Variants in FRRS1 observed in about 807,000 individuals in gnomAD.
FRRS1 encodes ferric chelate reductase 1, also known as ferric reductase 1.
FRRS1 carries 51 observed loss-of-function variants against 70.7 expected under a neutral mutation model. That is an observed-to-expected ratio of 0.72 (90% CI 0.58 to 0.91). FRRS1 has a LOEUF of 0.91. FRRS1 is among the 40% of genes least tolerant of loss of function. The pLI is 0.00. For synonymous variants in FRRS1, 225 were observed against 238.7 expected, an observed-to-expected ratio of 0.94 and a Z score of 0.53; for missense variants, 672 against 726.0, an observed-to-expected ratio of 0.93 and a Z score of 0.86.
intron 7 of FRRS1, among the ~76,000 whole-genome samples, chr1:99,733,389 C>G (rs1442103950): frequency 6.6e-6 from 1 of 152,100 alleles, no homozygotes; most frequent in Non-Finnish European, 1.5e-5. Flanking sequence ...ATATTAGCAC[C>G]CAAATCTTGA....
chr1:99,709,996 CAGTA>C (rs1421248011), intron 15 of FRRS1, among the ~76,000 whole-genome samples: 1 of 152,000 alleles, frequency 6.6e-6, no homozygotes, highest in Non-Finnish European at 1.5e-5. Context: ...AACAAAAAAA[CAGTA>C]AGCCATAATT....
intron 1 of FRRS1, among the ~76,000 whole-genome samples, chr1:99,760,603 C>T (rs1449930609): frequency 6.6e-6 from 1 of 152,144 alleles, no homozygotes; most frequent in African/African-American, 2.4e-5. Context: ...GTGGCACATT[C>T]AATACCAATT....
intron 9 of FRRS1, among the ~76,000 whole-genome samples, chr1:99,720,834 AACACACACACACACACACACACAC>A (rs57397996): frequency 3.6e-5 from 5 of 137,238 alleles, no homozygotes; most frequent in East Asian, 2.1e-4. Flanking sequence ...AGCATTTCCT[AACACACACACACACACACACACAC>A]ACACACACAC....
chr1:99,753,728 C>T (rs1471608663), intron 1 of FRRS1, among the ~76,000 whole-genome samples: 3 of 151,176 alleles, frequency 2.0e-5, no homozygotes, highest in South Asian at 2.1e-4. Flanking sequence ...GCTGTGATCA[C>T]GCCACTACAC....
intron 1 of FRRS1, among the ~76,000 whole-genome samples, chr1:99,753,038 T>C (rs983229114): frequency 8.9e-5 from 13 of 145,324 alleles, no homozygotes; most frequent in African/African-American, 3.3e-4. Context: ...CATGGTGAGC[T>C]CTCATGTCTA....
At position 99,706,682 on chromosome 1, in the gene FRRS1, C is replaced by T. The variant is rs1055764033; in HGVS notation, c.*2346G>A. 8.6e-5 allele frequency among the ~76,000 whole-genome samples: 13 copies of T among 151,940 alleles called. No homozygotes were observed. Among genetic ancestry groups the T allele is most frequent in the Non-Finnish European group, 1.6e-4 (11 of 67,964 alleles). Reference sequence around the variant, plus strand: ...GCTGAGGCGGGTGGATTACTTTAGACCAGGAGTTTGGGACCAGCCTGGCCA... The same window carrying T: ...GCTGAGGCGGGTGGATTACTTTAGATCAGGAGTTTGGGACCAGCCTGGCCA... On this transcript the variant is annotated 3_prime_UTR_variant, in exon 17 of 17. Transcript: ENST00000646001.
In FRRS1 at chr1:99,705,410, T is replaced by C. The variant is rs532417294; in HGVS notation, c.*3618A>G. 6.6e-6 allele frequency among the ~76,000 whole-genome samples: 1 copy of C among 152,350 alleles called. No individual in the cohort carries two copies. The highest frequency in any genetic ancestry group is 2.1e-4 in the South Asian group (1 of 4,830). Reference sequence around the variant, plus strand: ...CCTAATCTGATTTAAAAAGGACTCTTAGAAGAATCTTTCCTTTCATTCCAA... The same window carrying C: ...CCTAATCTGATTTAAAAAGGACTCTCAGAAGAATCTTTCCTTTCATTCCAA... On this transcript the variant is annotated 3_prime_UTR_variant, in exon 17 of 17. Coordinates refer to ENST00000646001, the MANE Select transcript of FRRS1 (RefSeq NM_001361041.2).
At chr1:99,715,951 A>G (rs944668981) in intron 11 of FRRS1, among the ~76,000 whole-genome samples, 3 of 152,246 alleles carry the variant, frequency 2.0e-5, no homozygotes, top group African/African-American at 7.2e-5. Flanking sequence ...TTTCACACAC[A>G]GAGCATATTT....
chr1:99,726,151 G>A (rs971059763), intron 9 of FRRS1, among the ~76,000 whole-genome samples: 14 of 152,166 alleles, frequency 9.2e-5, no homozygotes, highest in East Asian at 1.9e-4. Context: ...AGGAGATCTC[G>A]TTGTTTAAAA....
At chr1:99,754,664 T>C (rs1158478945) in intron 1 of FRRS1, among the ~76,000 whole-genome samples, 1 of 152,206 alleles carries the variant, frequency 6.6e-6, no homozygotes, top group South Asian at 2.1e-4. Flanking sequence ...TCACATGGAA[T>C]GTTCACCAAG....
intron 1 of FRRS1, among the ~76,000 whole-genome samples, chr1:99,762,404 T>C (rs1657148207): frequency 6.6e-6 from 1 of 152,156 alleles, no homozygotes; most frequent in South Asian, 2.1e-4. Flanking sequence ...CTGGTTCCTC[T>C]TTTACGTCTC....
chr1:99,740,920 T>C lies in FRRS1; in HGVS notation c.449A>G (p.Tyr150Cys), dbSNP rs771309272. The C allele has an allele frequency of 2.5e-6, 4 of 1,611,230 alleles. 1 individual carries two copies. The South Asian group carries it at 4.4e-5, about 18-fold the overall frequency. ...AGGAATCTTCACCCAGTAGATTTTA[T>C]ACTTCTCAACAACTGTGACTCTGAA... ...TQFLVTVVEK[Y>C]KIYWVKIPGP... The change falls in exon 6 of 17, where the codon TAT becomes TGT. Residue 150 changes from tyrosine to cysteine, a missense_variant. By Grantham distance (194) the Tyr-to-Cys change is radical. Transcript: ENST00000646001.
chr1:99,738,800 GA>G (rs1655807828), intron 6 of FRRS1, among the ~76,000 whole-genome samples: 1 of 151,878 alleles, frequency 6.6e-6, no homozygotes, highest in Non-Finnish European at 1.5e-5. Flanking sequence ...AATGACATAA[GA>G]AAAAAATGGT....
chr1:99,710,326 G>C (rs779336396), intron 15 of FRRS1, among the ~76,000 whole-genome samples: 3 of 151,198 alleles, frequency 2.0e-5, no homozygotes, highest in Non-Finnish European at 4.4e-5. Flanking sequence ...TGTCACTAAA[G>C]AGCAAAAGCA....
At position 99,747,395 on chromosome 1, in the gene FRRS1, G is replaced by A. The variant is rs1656328933; in HGVS notation, c.232C>T (p.Leu78=). 1 of 1,613,516 alleles carries A rather than the reference G, an allele frequency of 6.2e-7. No individual in the cohort carries two copies. The highest frequency in any genetic ancestry group is 8.5e-7 in the Non-Finnish European group (1 of 1,179,602). The change falls in exon 4 of 17, where the codon CTA becomes TTA. Residue 78 remains leucine, a synonymous_variant. Transcript: ENST00000646001. The part of the protein sequence containing the change: ...LSGHPFKGFL[L]EARNAEDLNG... ...AGATCCTCAGCATTACGCGCTTCTA[G>A]GAGAAAGCCTTTAAATGGATGCCCT...
intron 1 of FRRS1, among the ~76,000 whole-genome samples, chr1:99,758,067 CT>C (rs998511671): frequency 2.0e-5 from 3 of 152,120 alleles, no homozygotes; most frequent in African/African-American, 7.2e-5. Context: ...GAAAGAGGAA[CT>C]TGTCATTCAG....
At chr1:99,725,278 G>A (rs1220430488) in intron 9 of FRRS1, among the ~76,000 whole-genome samples, 1 of 152,206 alleles carries the variant, frequency 6.6e-6, no homozygotes. Context: ...TGGCCCGTCG[G>A]TTGGGGATCC....
intron 10 of FRRS1, among the ~76,000 whole-genome samples, chr1:99,718,792 T>A (rs1409910077): frequency 4.6e-5 from 7 of 152,208 alleles, no homozygotes; most frequent in Non-Finnish European, 1.0e-4. Context: ...AAACTATTGT[T>A]ATAATTAATC....
chr1:99,745,341 G>A (rs146390130), intron 4 of FRRS1, among the ~76,000 whole-genome samples: 31 of 152,244 alleles, frequency 2.0e-4, no homozygotes, highest in East Asian at 1.7e-3. Context: ...CTCCATGGAC[G>A]TTTTACCTCT....
Sources: allele counts gnomAD v4.1 joint callset (sites outside exome capture counted in the v4.1 genomes callset), GRCh38; gene constraint gnomAD v4.1.1; transcripts MANE v1.5; gene names NCBI Gene and HGNC (gene_info 2026-07-23, HGNC 2026-07-21).